The following DOCK4 variants were observed in gnomAD, a reference collection of about 807,000 sequenced individuals.
The protein encoded by DOCK4 is dedicator of cytokinesis protein 4.
Under a neutral mutation model 268.1 loss-of-function variants are expected in DOCK4, and 97 were observed. The observed-to-expected ratio is 0.36, with a 90% CI of 0.31 to 0.43. The LOEUF (loss-of-function observed/expected upper bound fraction) is 0.43. Ranked by LOEUF, DOCK4 falls within the 20% of genes least tolerant of loss-of-function variation. DOCK4 has a pLI of 1.00. For missense variants in DOCK4, 2,145 were observed against 2,455.7 expected, an observed-to-expected ratio of 0.87 and a Z score of 2.67; for synonymous variants, 954 against 887.2, an observed-to-expected ratio of 1.08 and a Z score of -1.34.
chr7:111,804,107 GA>G (rs1394469101), intron 30 of DOCK4, among the ~76,000 whole-genome samples: 1 of 152,170 alleles, frequency 6.6e-6, no homozygotes, highest in Non-Finnish European at 1.5e-5. Context: ...CAAAAGAACT[GA>G]AAGCCAGATT....
At chr7:111,913,616 A>G (rs1792327087) in intron 13 of DOCK4, among the ~76,000 whole-genome samples, 1 of 150,964 alleles carries the variant, frequency 6.6e-6, no homozygotes. Context: ...TCACCATGTT[A>G]GCCAGGATGG....
rs1795959663 is a variant in DOCK4, at chr7:111,742,145, C to T, written c.4678-13G>A. On this transcript the variant is annotated splice_polypyrimidine_tract_variant and intron_variant, in intron 44 of 52. Coordinates refer to ENST00000428084, the MANE Select transcript of DOCK4 (RefSeq NM_001363540.2). ...CCAGAATCTGTGCCTTAATTCACAA[C>T]ATAAGGAAAAAACCTCACATCAATG... 2 of 1,573,964 alleles carry T rather than the reference C, an allele frequency of 1.3e-6. No homozygotes were observed. The highest frequency in any genetic ancestry group is 1.7e-6 in the Non-Finnish European group (2 of 1,162,998).
chr7:112,007,130 G>A (rs898909589), intron 1 of DOCK4, among the ~76,000 whole-genome samples: 9 of 152,094 alleles, frequency 5.9e-5, no homozygotes, highest in Non-Finnish European at 8.8e-5. Flanking sequence ...GGTCCATGTG[G>A]AATACAATTA....
intron 30 of DOCK4, chr7:111,808,589 T>C (rs779342209): frequency 2.2e-6 from 1 of 449,290 alleles, no homozygotes; most frequent in Non-Finnish European, 4.0e-6. Flanking sequence ...AAATTTATCG[T>C]TAATTAATAA....
chr7:111,731,572 A>G (rs950321485), intron 52 of DOCK4, among the ~76,000 whole-genome samples: 1 of 152,142 alleles, frequency 6.6e-6, no homozygotes, highest in Non-Finnish European at 1.5e-5. Flanking sequence ...CTTTATCTTC[A>G]TGAGGGATTT....
At chr7:112,022,255 T>C (rs1008352973) in intron 1 of DOCK4, among the ~76,000 whole-genome samples, 2 of 152,200 alleles carry the variant, frequency 1.3e-5, no homozygotes, top group Admixed American at 6.5e-5. Context: ...GCCAGAAGTA[T>C]CCACAAATAT....
chr7:111,962,586 G>A (rs1421740069), intron 8 of DOCK4, among the ~76,000 whole-genome samples: 1 of 152,152 alleles, frequency 6.6e-6, no homozygotes, highest in Admixed American at 6.5e-5. Flanking sequence ...TGTCTTGGGG[G>A]TGAAGAGATA....
At chr7:111,840,392 G>A (rs1328933828) in intron 25 of DOCK4, among the ~76,000 whole-genome samples, 1 of 152,144 alleles carries the variant, frequency 6.6e-6, no homozygotes, top group Non-Finnish European at 1.5e-5. Flanking sequence ...GAACGAGTAA[G>A]CATTTATAAA....
chr7:112,100,037 A>G (rs962102729), intron 1 of DOCK4, among the ~76,000 whole-genome samples: 1 of 152,178 alleles, frequency 6.6e-6, no homozygotes. Flanking sequence ...TTATTTTTAG[A>G]CCCCATGAAA....
intron 1 of DOCK4, among the ~76,000 whole-genome samples, chr7:112,094,606 C>T (rs1215740371): frequency 6.6e-6 from 1 of 152,116 alleles, no homozygotes; most frequent in East Asian, 1.9e-4. Flanking sequence ...ACAAAACCAA[C>T]AACAAAGAAA....
chr7:112,118,570 TCTGTACCTCACCGTTGAG>T (rs1265252384), intron 1 of DOCK4, among the ~76,000 whole-genome samples: 3 of 152,202 alleles, frequency 2.0e-5, no homozygotes, highest in Non-Finnish European at 4.4e-5. Context: ...AAGCCTTCCT[TCTGTACCTCACCGTTGAG>T]TGGCCACTGG....
At chr7:112,158,483 A>T (rs187267620) in intron 1 of DOCK4, among the ~76,000 whole-genome samples, 1 of 152,302 alleles carries the variant, frequency 6.6e-6, no homozygotes, top group Admixed American at 6.5e-5. Context: ...AACACAATGA[A>T]TTTTGATCAA....
At chr7:111,848,730 GC>G (rs1563586473) in intron 23 of DOCK4, among the ~76,000 whole-genome samples, 1 of 152,076 alleles carries the variant, frequency 6.6e-6, no homozygotes, top group East Asian at 1.9e-4. Flanking sequence ...GAGTCTGGGG[GC>G]AGGGAACTTA....
rs775448692 is a variant in DOCK4, at chr7:111,741,044, T to C, written c.5040+50A>G. ...GCAGAATGAACAGAAACACTCATGA[T>C]TGAGACAGAAAAGGAATAAACACAA... On this transcript the variant is annotated intron_variant, in intron 47 of 52. Coordinates refer to ENST00000428084, the MANE Select transcript of DOCK4 (RefSeq NM_001363540.2). The C allele has an allele frequency of 3.7e-6, 6 of 1,605,760 alleles. No individual in the cohort carries two copies. In the African/African-American group the frequency reaches 5.4e-5, roughly 14 times the overall value.
In DOCK4 at chr7:111,867,933, T is replaced by C. The variant is rs371942415; in HGVS notation, c.2280+51A>G. On this transcript the variant is annotated intron_variant, in intron 22 of 52. Coordinates refer to ENST00000428084, the MANE Select transcript of DOCK4 (RefSeq NM_001363540.2). ...GATTACGCTGCTGTGTAAAAATAAA[T>C]AAACTGCACTTATCGTTTTCTTCTA... 240 of 1,409,596 alleles carry C rather than the reference T, an allele frequency of 1.7e-4. 1 individual carries two copies. Among genetic ancestry groups the C allele is most frequent in the Non-Finnish European group, 2.1e-4 (225 of 1,069,518 alleles). The allele number at this position is 1,409,596 out of a possible 1,614,324, so 87.3% of individuals were successfully genotyped here. A position where few individuals can be genotyped will look rare whatever the true frequency, so the allele number is the denominator to read the frequency against.
chr7:112,125,295 T>G (rs1021410050), intron 1 of DOCK4, among the ~76,000 whole-genome samples: 4 of 152,210 alleles, frequency 2.6e-5, no homozygotes, highest in Non-Finnish European at 5.9e-5. Context: ...TTAGAGTAAT[T>G]GTCTTGCCTC....
intron 30 of DOCK4, chr7:111,808,589 T>G (rs779342209): frequency 1.6e-5 from 7 of 449,290 alleles, no homozygotes; most frequent in Non-Finnish European, 2.8e-5. Context: ...AAATTTATCG[T>G]TAATTAATAA....
chr7:111,903,503 T>C (rs1242904762), intron 13 of DOCK4, among the ~76,000 whole-genome samples: 1 of 152,228 alleles, frequency 6.6e-6, no homozygotes, highest in East Asian at 1.9e-4. Flanking sequence ...AAGTTTTCTG[T>C]TTTAACTATT....
chr7:111,890,672 A>T (rs980673221), intron 16 of DOCK4, among the ~76,000 whole-genome samples: 2 of 152,166 alleles, frequency 1.3e-5, no homozygotes, highest in African/African-American at 2.4e-5. Context: ...TATTTACTAT[A>T]ACAGCTCGGT....
Sources: gnomAD v4.1 joint callset for allele counts (sites outside exome capture counted in the v4.1 genomes callset) on GRCh38, gnomAD v4.1.1 for gene constraint, MANE v1.5 for transcripts, NCBI Gene and HGNC (gene_info 2026-07-23, HGNC 2026-07-21) for gene names.